FBN2: variants seen among roughly 807,000 people sequenced by gnomAD.
The protein encoded by FBN2 is fibrillin 2, also known as fibrillin-2.
In FBN2, 105 loss-of-function variants were observed where a neutral mutation model predicts 355.6. The ratio of observed to expected loss-of-function variants is 0.30; its 90% CI spans 0.25 to 0.35. The LOEUF (loss-of-function observed/expected upper bound fraction) is 0.35. FBN2 is among the 10% of genes least tolerant of loss of function. FBN2 has a pLI of 1.00. For synonymous variants in FBN2, 1,350 were observed against 1,301.2 expected (o/e 1.04, Z -0.81); for missense variants, 3,280 against 3,758.7 (o/e 0.87, Z 3.33).
At chr5:128,350,775 T>A in intron 21 of FBN2, 93 bp downstream of exon 21, 5 of 1,419,048 alleles carry the variant, frequency 3.5e-6, no homozygotes, top group Non-Finnish European at 5.0e-6. Flanking sequence ...ATCTCTGACC[T>A]TCTTCACTAA....
In FBN2 at chr5:128,459,142, ATACAAAC is replaced by A. The variant is rs554144060; in HGVS notation, c.826+5575_826+5581del. 2.0e-3 allele frequency among the ~76,000 whole-genome samples: 308 copies of A among 152,366 alleles called. 1 individual carries two copies. Among genetic ancestry groups the A allele is most frequent in the African/African-American group, 7.3e-3 (302 of 41,596 alleles). ...GGACATCACCACTGACCCCACAGAA[ATACAAAC>A]TACCATCAGAGAATACTATAAACAC... On this transcript the variant is annotated intron_variant, in intron 6 of 64. Transcript: ENST00000262464.
At chr5:128,387,831 G>A (rs1255206143) in intron 11 of FBN2, among the ~76,000 whole-genome samples, 1 of 152,106 alleles carries the variant, frequency 6.6e-6, no homozygotes, top group Non-Finnish European at 1.5e-5. Flanking sequence ...GTTGTTGGGT[G>A]GACTGTTCTG....
chr5:128,414,479 A>T (rs1039230646), intron 7 of FBN2, among the ~76,000 whole-genome samples: 23 of 152,162 alleles, frequency 1.5e-4, no homozygotes, highest in African/African-American at 5.6e-4. Flanking sequence ...TTAATTGCTA[A>T]ATAATATTCT....
At chr5:128,415,249 C>T (rs1029188239) in intron 7 of FBN2, among the ~76,000 whole-genome samples, 2 of 152,072 alleles carry the variant, frequency 1.3e-5, no homozygotes, top group Non-Finnish European at 2.9e-5. Context: ...ATATAAAATA[C>T]CTTGTTGTTA....
rs944323950 is a variant in FBN2, at chr5:128,301,031, T to G, written c.6047-95A>C. The G allele has an allele frequency of 1.0e-5, 12 of 1,164,460 alleles. No homozygotes were observed. In the African/African-American group the frequency reaches 1.2e-4, roughly 12 times the overall value. The allele number at this position is 1,164,460 out of a possible 1,614,324, so 72.1% of individuals were successfully genotyped here. A position where few individuals can be genotyped will look rare whatever the true frequency, so the allele number is the denominator to read the frequency against. ...CAAATGATATTAACATGAATTCAAC[T>G]CGGGTCCTCTGATCTACTGGGTCAC... On this transcript the variant is annotated intron_variant, in intron 47 of 64. Transcript: ENST00000262464.
intron 62 of FBN2, among the ~76,000 whole-genome samples, chr5:128,269,939 A>G (rs1035670561): frequency 2.6e-5 from 4 of 152,228 alleles, no homozygotes; most frequent in African/African-American, 9.6e-5. Context: ...ACCTGTCTTC[A>G]AAGTATACAA....
intron 56 of FBN2, 64 bp from the exon 57 acceptor site, chr5:128,278,905 A>T: frequency 7.5e-7 from 1 of 1,327,316 alleles, no homozygotes. Context: ...CTGGCTTTCA[A>T]ATTAAGCAGG....
chr5:128,437,814 A>C (rs928750770), intron 7 of FBN2, among the ~76,000 whole-genome samples: 3 of 151,764 alleles, frequency 2.0e-5, no homozygotes, highest in African/African-American at 7.3e-5. Flanking sequence ...AGATAGATAG[A>C]TAGATAGACA....
chr5:128,498,549 C>T (rs1006648662), intron 5 of FBN2, among the ~76,000 whole-genome samples: 2 of 152,154 alleles, frequency 1.3e-5, no homozygotes, highest in African/African-American at 4.8e-5. Context: ...TCAGACACCA[C>T]CTCCTTCACA....
intron 6 of FBN2, among the ~76,000 whole-genome samples, chr5:128,455,702 G>T (rs1368108408): frequency 6.6e-6 from 1 of 151,934 alleles, no homozygotes; most frequent in Non-Finnish European, 1.5e-5. Flanking sequence ...GCCACACGGG[G>T]ATGGGAAACC....
intron 7 of FBN2, among the ~76,000 whole-genome samples, chr5:128,444,313 C>T (rs1259262210): frequency 6.6e-6 from 1 of 151,422 alleles, no homozygotes; most frequent in Admixed American, 6.6e-5. Context: ...ACCTCAAGAT[C>T]CACCCGCCTC....
chr5:128,366,390 A>C lies in FBN2; in HGVS notation c.2289T>G (p.Thr763=). ...HGLCSSGVGI[T]VDGRDINECA... is the part of the protein sequence containing the mutation. Reference sequence around the variant, plus strand: ...AACTAGAGTTACCTCTTCCATCCACAGTGATACCTACTCCACTACTACAAA... The same window carrying C: ...AACTAGAGTTACCTCTTCCATCCACCGTGATACCTACTCCACTACTACAAA... The change falls in exon 17 of 65, where the codon ACT becomes ACG. Residue 763 remains threonine, a synonymous_variant. Transcript: ENST00000262464. The C allele has an allele frequency of 6.2e-7, 1 of 1,600,122 alleles. No homozygotes were observed. The highest frequency in any genetic ancestry group is 8.6e-7 in the Non-Finnish European group (1 of 1,168,722).
intron 46 of FBN2, 139 bp downstream of exon 46, chr5:128,302,834 C>A (rs1024593174): frequency 5.9e-6 from 4 of 677,300 alleles, no homozygotes; most frequent in African/African-American, 5.4e-5. Flanking sequence ...AGAAACCAGT[C>A]AATGAAATTA....
At chr5:128,439,904 G>T (rs1189480949) in intron 7 of FBN2, among the ~76,000 whole-genome samples, 2 of 151,776 alleles carry the variant, frequency 1.3e-5, no homozygotes, top group Non-Finnish European at 2.9e-5. Flanking sequence ...GATAATATTT[G>T]TATCTTTGAT....
chr5:128,374,550 C>A (rs1561424701), intron 15 of FBN2, 78 bp downstream of exon 15: 2 of 1,567,356 alleles, frequency 1.3e-6, no homozygotes, highest in Non-Finnish European at 8.8e-7. Context: ...GAATATTACT[C>A]CACTGTATAG....
intron 45 of FBN2, among the ~76,000 whole-genome samples, chr5:128,303,734 G>C (rs1175818565): frequency 6.6e-5 from 10 of 152,188 alleles, no homozygotes. Context: ...CTCTGTATAA[G>C]GGAGGTCTTA....
At chr5:128,289,333 C>T (rs1210752977) in intron 51 of FBN2, 81 bp from the exon 52 acceptor site, 6 of 1,507,558 alleles carry the variant, frequency 4.0e-6, no homozygotes, top group Admixed American at 3.3e-5. Context: ...TTATAAATCC[C>T]AGCACTTTGG....
chr5:128,481,930 G>T (rs1755202422), intron 5 of FBN2, among the ~76,000 whole-genome samples: 1 of 152,146 alleles, frequency 6.6e-6, no homozygotes, highest in African/African-American at 2.4e-5. Context: ...TATAGAGACA[G>T]AAAATAGCAA....
At chr5:128,321,408 T>C (rs1034237655) in intron 34 of FBN2, among the ~76,000 whole-genome samples, 2 of 152,194 alleles carry the variant, frequency 1.3e-5, no homozygotes, top group Non-Finnish European at 2.9e-5. Context: ...ACCTGTCATC[T>C]ACATTAGGTA....
Sources: gnomAD v4.1 joint callset for allele counts (sites outside exome capture counted in the v4.1 genomes callset) on GRCh38, gnomAD v4.1.1 for gene constraint, MANE v1.5 for transcripts, NCBI Gene and HGNC (gene_info 2026-07-23, HGNC 2026-07-21) for gene names.